PDZRN3: variants seen among roughly 807,000 people sequenced by gnomAD.
PDZRN3 encodes the protein E3 ubiquitin-protein ligase PDZRN3.
A neutral mutation model predicts 85.7 loss-of-function variants in PDZRN3; 38 were observed. The ratio of observed to expected loss-of-function variants is 0.44; its 90% CI spans 0.34 to 0.58. The LOEUF is 0.58. Ranked by LOEUF, PDZRN3 falls within the 20% of genes least tolerant of loss-of-function variation. The pLI is 0.01. For missense variants in PDZRN3, 1,629 were observed against 1,506.4 expected (o/e 1.08, Z -1.35); for synonymous variants, 759 against 638.0 (o/e 1.19, Z -2.86).
At chr3:73,502,618 T>C (rs1704002311) in intron 3 of PDZRN3, among the ~76,000 whole-genome samples, 2 of 152,208 alleles carry the variant, frequency 1.3e-5, no homozygotes, top group African/African-American at 4.8e-5. Context: ...TTTTATGGTA[T>C]GCTATGTTCT....
intron 3 of PDZRN3, among the ~76,000 whole-genome samples, chr3:73,594,516 T>C (rs1016791786): frequency 2.6e-5 from 4 of 152,072 alleles, no homozygotes; most frequent in African/African-American, 9.7e-5. Context: ...GCATGACAGG[T>C]AGGAAAGACA....
intron 3 of PDZRN3, among the ~76,000 whole-genome samples, chr3:73,427,522 T>C (rs1702341324): frequency 6.6e-6 from 1 of 152,210 alleles, no homozygotes; most frequent in South Asian, 2.1e-4. Context: ...GCTGGATTTT[T>C]TCACTATTCC....
At chr3:73,484,469 C>T (rs1703627365) in intron 3 of PDZRN3, among the ~76,000 whole-genome samples, 1 of 152,096 alleles carries the variant, frequency 6.6e-6, no homozygotes, top group Admixed American at 6.5e-5. Context: ...TGAGAACTGA[C>T]AGTATGTGTT....
At chr3:73,569,439 C>CATGA in intron 3 of PDZRN3, 1 of 1,139,712 alleles carries the variant, frequency 8.8e-7, no homozygotes, top group Non-Finnish European at 1.1e-6. Flanking sequence ...ATGTCACGTT[C>CATGA]TCTTAAGCCC....
At chr3:73,491,871 G>A (rs1703777277) in intron 3 of PDZRN3, among the ~76,000 whole-genome samples, 1 of 152,064 alleles carries the variant, frequency 6.6e-6, no homozygotes, top group Admixed American at 6.5e-5. Context: ...AAAGCATTGG[G>A]ATTACAGGCA....
At chr3:73,402,940 G>GTTTTTTTTTT (rs1559658874) in intron 4 of PDZRN3, among the ~76,000 whole-genome samples, 1 of 108,402 alleles carries the variant, frequency 9.2e-6, no homozygotes, top group African/African-American at 4.6e-5. Context: ...CACATGAAAA[G>GTTTTTTTTTT]CTTTTTTTTT....
At chr3:73,498,351 G>T (rs553032637) in intron 3 of PDZRN3, among the ~76,000 whole-genome samples, 1 of 152,086 alleles carries the variant, frequency 6.6e-6, no homozygotes, top group Non-Finnish European at 1.5e-5. Flanking sequence ...GGGGACAGTT[G>T]GTAGTATGTA....
At chr3:73,471,328 G>A (rs1703336575) in intron 3 of PDZRN3, among the ~76,000 whole-genome samples, 3 of 152,128 alleles carry the variant, frequency 2.0e-5, no homozygotes, top group Admixed American at 2.0e-4. Context: ...AAGGAACGTG[G>A]CCCTGAAAAC....
At position 73,599,761 on chromosome 3, in the gene PDZRN3, C is replaced by T. The variant is rs1172168109; in HGVS notation, c.918+2593G>A. Among the ~76,000 whole-genome samples, 9 of 152,196 alleles carry T rather than the reference C, an allele frequency of 5.9e-5. No homozygotes were observed. The South Asian group carries it at 1.5e-3, about 25-fold the overall frequency. On this transcript the variant is annotated intron_variant, in intron 3 of 9. Transcript: ENST00000263666. ...CTGTACGGCAAGGCCATTCATGGCG[C>T]CTGGGCCACCAGCAGATGCCTCTTG... is the stretch of plus-strand genomic sequence containing the variant.
intron 3 of PDZRN3, among the ~76,000 whole-genome samples, chr3:73,458,829 A>C (rs1259402383): frequency 6.6e-6 from 1 of 151,546 alleles, no homozygotes; most frequent in Non-Finnish European, 1.5e-5. Flanking sequence ...ATCTCTACTA[A>C]AAATATAACA....
chr3:73,440,013 C>T (rs1702602246), intron 3 of PDZRN3, among the ~76,000 whole-genome samples: 1 of 152,102 alleles, frequency 6.6e-6, no homozygotes, highest in Non-Finnish European at 1.5e-5. Context: ...GCTGACATTA[C>T]AGGCATGAGC....
intron 1 of PDZRN3, among the ~76,000 whole-genome samples, chr3:73,612,842 T>C (rs1375679241): frequency 6.6e-6 from 1 of 152,174 alleles, no homozygotes; most frequent in Non-Finnish European, 1.5e-5. Flanking sequence ...ACCAGGTTAC[T>C]AGGATGCATG....
chr3:73,511,142 C>A (rs1036043850), intron 3 of PDZRN3, among the ~76,000 whole-genome samples: 5 of 152,176 alleles, frequency 3.3e-5, no homozygotes, highest in African/African-American at 9.7e-5. Flanking sequence ...ATGGTGACTT[C>A]ATTTCTCTTT....
At chr3:73,404,095 C>A (rs1416857699) in intron 4 of PDZRN3, 53 bp downstream of exon 4, 76 of 1,549,578 alleles carry the variant, frequency 4.9e-5, no homozygotes, top group Non-Finnish European at 6.1e-5. Context: ...GAGAAAGAAA[C>A]CAACTTGGAA....
At chr3:73,591,738 C>T (rs1702360054) in intron 3 of PDZRN3, among the ~76,000 whole-genome samples, 1 of 152,152 alleles carries the variant, frequency 6.6e-6, no homozygotes, top group Admixed American at 6.5e-5. Context: ...GAAAGCAATG[C>T]TCAGAGATAA....
intron 3 of PDZRN3, among the ~76,000 whole-genome samples, chr3:73,422,970 G>C (rs966726823): frequency 6.6e-6 from 1 of 152,186 alleles, no homozygotes; most frequent in Non-Finnish European, 1.5e-5. Flanking sequence ...AATTAGTCCA[G>C]ATAGGAACTT....
At chr3:73,445,315 T>C (rs1702725434) in intron 3 of PDZRN3, among the ~76,000 whole-genome samples, 1 of 152,164 alleles carries the variant, frequency 6.6e-6, no homozygotes, top group African/African-American at 2.4e-5. Flanking sequence ...GGTGTTCGTG[T>C]CTGAAAGAAT....
intron 3 of PDZRN3, among the ~76,000 whole-genome samples, chr3:73,478,709 G>A (rs1703505748): frequency 6.6e-6 from 1 of 152,142 alleles, no homozygotes; most frequent in African/African-American, 2.4e-5. Flanking sequence ...GGGGACCACT[G>A]ACTGAAAAGG....
chr3:73,543,052 C>A lies in PDZRN3; in HGVS notation c.918+59302G>T, dbSNP rs200097112. 1.6e-4 allele frequency among the ~76,000 whole-genome samples: 24 copies of A among 152,320 alleles called. No homozygotes were observed. The East Asian group carries it at 4.6e-3, about 29-fold the overall frequency. On this transcript the variant is annotated intron_variant, in intron 3 of 9. Transcript: ENST00000263666. ...TTACCTGGATAAATGCAAATACACACTGCTCATATTCAAAGACAGCTTTAA... is the reference window on the plus strand; with the variant it reads ...TTACCTGGATAAATGCAAATACACAATGCTCATATTCAAAGACAGCTTTAA...
Sources: gnomAD v4.1 joint callset for allele counts (sites outside exome capture counted in the v4.1 genomes callset) on GRCh38, gnomAD v4.1.1 for gene constraint, MANE v1.5 for transcripts, NCBI Gene and HGNC (gene_info 2026-07-23, HGNC 2026-07-21) for gene names.